PDE4B: variants seen among roughly 807,000 people sequenced by gnomAD.
The protein encoded by PDE4B is phosphodiesterase 4B, also known as 3',5'-cyclic-AMP phosphodiesterase 4B.
PDE4B carries 20 observed loss-of-function variants against 82.2 expected under a neutral mutation model. The ratio of observed to expected loss-of-function variants is 0.24; its 90% confidence interval spans 0.17 to 0.35. The LOEUF is 0.35. Ranked by LOEUF, PDE4B falls within the 10% of genes least tolerant of loss-of-function variation. The pLI is 1.00. For missense variants in PDE4B, 655 were observed against 907.2 expected (o/e 0.72, Z 3.57); for synonymous variants, 320 against 318.9 (o/e 1.00, Z -0.04).
At chr1:66,339,357 A>G (rs941876425) in intron 8 of PDE4B, among the ~76,000 whole-genome samples, 11 of 152,224 alleles carry the variant, frequency 7.2e-5, no homozygotes, top group Admixed American at 3.9e-4. Flanking sequence ...AGTCTTCTCA[A>G]AACTTAGCAA....
chr1:66,323,162 T>C (rs569816157), intron 7 of PDE4B, among the ~76,000 whole-genome samples: 3 of 152,266 alleles, frequency 2.0e-5, no homozygotes, highest in Admixed American at 2.0e-4. Flanking sequence ...ACAAGATCTT[T>C]GCATGGCCTT....
At chr1:65,818,166 A>G (rs1645907635) in intron 1 of PDE4B, among the ~76,000 whole-genome samples, 1 of 152,186 alleles carries the variant, frequency 6.6e-6, no homozygotes, top group South Asian at 2.1e-4. Flanking sequence ...AAATCTAGCT[A>G]TAGTTATTTC....
At chr1:66,107,359 A>G (rs570729793) in intron 3 of PDE4B, among the ~76,000 whole-genome samples, 2 of 152,102 alleles carry the variant, frequency 1.3e-5, no homozygotes, top group Admixed American at 1.3e-4. Context: ...ACCTGAATTG[A>G]GAAAAGCACA....
chr1:65,924,759 G>A (rs1647409058), intron 3 of PDE4B, among the ~76,000 whole-genome samples: 1 of 152,190 alleles, frequency 6.6e-6, no homozygotes, highest in Non-Finnish European at 1.5e-5. Context: ...TCAATTCCTG[G>A]CTGTGGCTGA....
At chr1:65,991,994 G>A (rs1440282534) in intron 3 of PDE4B, among the ~76,000 whole-genome samples, 1 of 152,192 alleles carries the variant, frequency 6.6e-6, no homozygotes, top group African/African-American at 2.4e-5. Flanking sequence ...CATGAACAAT[G>A]AGCTTAAACA....
At chr1:66,222,855 A>G (rs956909866) in intron 3 of PDE4B, among the ~76,000 whole-genome samples, 22 of 152,214 alleles carry the variant, frequency 1.4e-4, no homozygotes, top group Non-Finnish European at 1.5e-5. Context: ...CTTATTAGTA[A>G]AAGCCTTTCT....
At chr1:65,970,763 G>A (rs1437228613) in intron 3 of PDE4B, among the ~76,000 whole-genome samples, 3 of 152,018 alleles carry the variant, frequency 2.0e-5, no homozygotes, top group Non-Finnish European at 2.9e-5. Context: ...AAGAAAGGAA[G>A]GAGAACATTG....
chr1:66,181,228 T>C (rs996210541), intron 3 of PDE4B, among the ~76,000 whole-genome samples: 1 of 152,176 alleles, frequency 6.6e-6, no homozygotes, highest in Non-Finnish European at 1.5e-5. Flanking sequence ...GCTAAATGAA[T>C]GGGAGAGGAT....
intron 3 of PDE4B, among the ~76,000 whole-genome samples, chr1:66,080,247 T>A (rs970267563): frequency 9.2e-5 from 14 of 152,150 alleles, no homozygotes; most frequent in Non-Finnish European, 1.2e-4. Context: ...CAGAAAAAAT[T>A]GTGTCAAAGT....
At chr1:66,021,013 TG>T (rs1464997964) in intron 3 of PDE4B, among the ~76,000 whole-genome samples, 2 of 152,214 alleles carry the variant, frequency 1.3e-5, no homozygotes, top group African/African-American at 4.8e-5. Context: ...CCATTCTAAC[TG>T]GTGTGAGATG....
At chr1:65,973,454 C>T (rs550029920) in intron 3 of PDE4B, among the ~76,000 whole-genome samples, 2 of 152,184 alleles carry the variant, frequency 1.3e-5, no homozygotes, top group African/African-American at 4.8e-5. Flanking sequence ...AGCTTTGAAT[C>T]TCAGAACAAG....
At chr1:65,906,958 C>G (rs1259490527) in intron 1 of PDE4B, among the ~76,000 whole-genome samples, 2 of 152,110 alleles carry the variant, frequency 1.3e-5, no homozygotes, top group African/African-American at 2.4e-5. Context: ...ATCCCTAGCA[C>G]TTTTCAGTTT....
At chr1:66,061,212 T>C (rs1045533358) in intron 3 of PDE4B, among the ~76,000 whole-genome samples, 2 of 149,670 alleles carry the variant, frequency 1.3e-5, no homozygotes, top group African/African-American at 4.9e-5. Context: ...AAGCATTGTA[T>C]AAGAAGGATT....
chr1:66,257,277 G>A (rs1303561113), intron 4 of PDE4B: 3 of 342,640 alleles, frequency 8.8e-6, no homozygotes, highest in Non-Finnish European at 1.7e-5. Flanking sequence ...CCAACTGTGT[G>A]TGTCCCTGTG....
At chr1:66,357,340 T>C (rs1428090301) in intron 9 of PDE4B, among the ~76,000 whole-genome samples, 1 of 152,152 alleles carries the variant, frequency 6.6e-6, no homozygotes, top group East Asian at 1.9e-4. Flanking sequence ...ATTAATCTTT[T>C]TTATCACCAT....
chr1:66,137,815 A>ACTC (rs1227093631), intron 3 of PDE4B, among the ~76,000 whole-genome samples: 6 of 152,200 alleles, frequency 3.9e-5, no homozygotes, highest in African/African-American at 1.4e-4. Flanking sequence ...TTATAACCAA[A>ACTC]CTTTAACATT....
intron 3 of PDE4B, among the ~76,000 whole-genome samples, chr1:66,215,868 C>T (rs1650408372): frequency 1.3e-5 from 2 of 152,158 alleles, no homozygotes; most frequent in South Asian, 4.1e-4. Context: ...CAAGGGGCTA[C>T]ACTGGCAGGA....
intron 9 of PDE4B, 45 bp downstream of exon 9, chr1:66,355,665 C>T (rs776447800): frequency 3.4e-6 from 4 of 1,165,356 alleles, no homozygotes; most frequent in Non-Finnish European, 5.1e-6. Context: ...CTGGGGTTTT[C>T]AGAATTAATT....
chr1:66,117,485 G>A (rs1006543952), intron 3 of PDE4B, among the ~76,000 whole-genome samples: 17 of 152,198 alleles, frequency 1.1e-4, no homozygotes, highest in African/African-American at 4.1e-4. Context: ...AATACTGGTG[G>A]ATATAATATT....
Sources: allele counts gnomAD v4.1 joint callset (sites outside exome capture counted in the v4.1 genomes callset), GRCh38; gene constraint gnomAD v4.1.1; transcripts MANE v1.5; gene names NCBI Gene and HGNC (gene_info 2026-07-23, HGNC 2026-07-21).